DENND1A: variants seen among roughly 807,000 people sequenced by gnomAD.
The protein encoded by DENND1A is DENN domain-containing protein 1A.
DENND1A carries 51 observed loss-of-function variants against 113.7 expected under a neutral mutation model. The observed-to-expected ratio is 0.45, with a 90% confidence interval of 0.36 to 0.57. The LOEUF is 0.57. Among genes scored for constraint, DENND1A ranks in the 20% least tolerant of loss-of-function variants. DENND1A has a pLI of 0.00. For missense variants in DENND1A, 1,258 were observed against 1,395.9 expected, an observed-to-expected ratio of 0.90 and a Z score of 1.57; for synonymous variants, 565 against 570.8, an observed-to-expected ratio of 0.99 and a Z score of 0.14.
chr9:123,399,844 C>T (rs2043335957), intron 21 of DENND1A, among the ~76,000 whole-genome samples: 1 of 152,246 alleles, frequency 6.6e-6, no homozygotes, highest in African/African-American at 2.4e-5. Flanking sequence ...GAATGCTGGC[C>T]TGGCCACTTT....
rs1411001206 is a variant in DENND1A at position 123,422,149 on chromosome 9, C to G, written c.1489-10320G>C. Among the ~76,000 whole-genome samples, 2 of 152,226 alleles carry G rather than the reference C, an allele frequency of 1.3e-5. No individual in the cohort carries two copies. Among genetic ancestry groups the G allele is most frequent in the Non-Finnish European group, 2.9e-5 (2 of 68,036 alleles). ...TCACATCTGGCTCCTGGCACAAGGC[C>G]TGGCACGCGGTCAAGTTAAAGTAAA... On this transcript the variant is annotated intron_variant, in intron 19 of 23. Coordinates refer to ENST00000394215, the MANE Select transcript of DENND1A (RefSeq NM_001352964.2). This position sits in a 1 kb window ranked among gnomAD's most constrained non-coding sequence, Gnocchi z 4.8.
In DENND1A at chr9:123,386,631, G is replaced by A. The variant is rs190360503; in HGVS notation, c.1760+1099C>T. Among the ~76,000 whole-genome samples the A allele has an allele frequency of 2.8e-4, 42 of 152,292 alleles. No homozygotes were observed. The East Asian group carries it at 7.1e-3, about 26-fold the overall frequency. ...ACTCCTGGCTTCAAGTGATCCGCCC[G>A]CTTTGGCCTCCCAAAGTGCTGGGAT... On this transcript the variant is annotated intron_variant, in intron 22 of 23. Transcript: ENST00000394215.
chr9:123,576,871 T>C (rs2058666250), intron 12 of DENND1A, among the ~76,000 whole-genome samples: 1 of 152,230 alleles, frequency 6.6e-6, no homozygotes, highest in African/African-American at 2.4e-5. Flanking sequence ...ATAAGTCTGC[T>C]AGAATTACTT....
chr9:123,598,751 T>A (rs1046911139), intron 11 of DENND1A, among the ~76,000 whole-genome samples: 2 of 152,194 alleles, frequency 1.3e-5, no homozygotes, highest in Non-Finnish European at 2.9e-5. Context: ...TATGTACTTA[T>A]CAAGCTTCAT....
At chr9:123,542,241 G>A (rs1017090791) in intron 13 of DENND1A, among the ~76,000 whole-genome samples, 1 of 152,142 alleles carries the variant, frequency 6.6e-6, no homozygotes, top group East Asian at 1.9e-4. Flanking sequence ...CCAGACACAT[G>A]TCAAGGAAGC....
At chr9:123,385,208 A>G (rs1431646669) in intron 22 of DENND1A, among the ~76,000 whole-genome samples, 3 of 152,076 alleles carry the variant, frequency 2.0e-5, no homozygotes, top group Non-Finnish European at 4.4e-5. Context: ...CTTGTCTCCC[A>G]GGCTGGAGTG....
intron 13 of DENND1A, among the ~76,000 whole-genome samples, chr9:123,548,311 C>T (rs1464531254): frequency 6.6e-6 from 1 of 152,182 alleles, no homozygotes; most frequent in African/African-American, 2.4e-5. Flanking sequence ...TTACACTCCC[C>T]CATCAATGAA....
At chr9:123,894,472 T>A (rs1850403163) in intron 1 of DENND1A, among the ~76,000 whole-genome samples, 1 of 152,050 alleles carries the variant, frequency 6.6e-6, no homozygotes, top group African/African-American at 2.4e-5. Context: ...CTGTTTGAAA[T>A]CAATAGAAAT....
chr9:123,560,643 T>C (rs1320719779), intron 12 of DENND1A, among the ~76,000 whole-genome samples: 1 of 150,836 alleles, frequency 6.6e-6, no homozygotes, highest in East Asian at 1.9e-4. Context: ...TGAGCTATGA[T>C]TGCACCGTGG....
intron 5 of DENND1A, among the ~76,000 whole-genome samples, chr9:123,735,353 T>C (rs1041090875): frequency 6.6e-6 from 1 of 152,148 alleles, no homozygotes; most frequent in Admixed American, 6.5e-5. Flanking sequence ...TCTCTGAATG[T>C]CAAAGATGAC....
At chr9:123,574,892 C>T (rs1164649545) in intron 12 of DENND1A, among the ~76,000 whole-genome samples, 1 of 152,218 alleles carries the variant, frequency 6.6e-6, no homozygotes, top group Non-Finnish European at 1.5e-5. Context: ...ATTAACTAAA[C>T]TCCAGACTTT....
At chr9:123,471,272 C>T (rs2049397408) in intron 13 of DENND1A, among the ~76,000 whole-genome samples, 1 of 152,170 alleles carries the variant, frequency 6.6e-6, no homozygotes, top group African/African-American at 2.4e-5. Context: ...AGTCCCTAAC[C>T]CCTCAGAGAC....
At chr9:123,811,706 C>T (rs1836641131) in intron 2 of DENND1A, among the ~76,000 whole-genome samples, 1 of 152,134 alleles carries the variant, frequency 6.6e-6, no homozygotes, top group African/African-American at 2.4e-5. Context: ...TTGCAGTGAG[C>T]GGAGATCGCA....
intron 19 of DENND1A, among the ~76,000 whole-genome samples, chr9:123,433,194 T>C (rs1240498780): frequency 6.6e-6 from 1 of 152,180 alleles, no homozygotes; most frequent in African/African-American, 2.4e-5. Flanking sequence ...CCTCTAGAGA[T>C]GTGGAAACGG....
chr9:123,576,731 C>G lies in DENND1A; in HGVS notation c.867+6438G>C, dbSNP rs373500802. On this transcript the variant is annotated intron_variant, in intron 12 of 23. Coordinates refer to ENST00000394215, the MANE Select transcript of DENND1A (RefSeq NM_001352964.2). The stretch of plus-strand genomic sequence containing the variant: ...TCTTGAACTCCTGACCTCAGGTGAT[C>G]CACCTGCCTCAGTGCTTTCATTTTT... 9.2e-5 allele frequency among the ~76,000 whole-genome samples: 14 copies of G among 152,300 alleles called. No individual in the cohort carries two copies. In the East Asian group the frequency reaches 2.7e-3, roughly 29 times the overall value.
chr9:123,424,031 G>C (rs894133427), intron 19 of DENND1A, among the ~76,000 whole-genome samples: 5 of 152,324 alleles, frequency 3.3e-5, no homozygotes, highest in Middle Eastern at 6.8e-3. Flanking sequence ...GCTGGGGAGA[G>C]GGGGTGGAGT....
chr9:123,855,754 G>A (rs978779722), intron 2 of DENND1A, among the ~76,000 whole-genome samples: 1 of 152,148 alleles, frequency 6.6e-6, no homozygotes, highest in Admixed American at 6.5e-5. Flanking sequence ...AACCAATTAA[G>A]TGTCCAGGTG....
intron 13 of DENND1A, among the ~76,000 whole-genome samples, chr9:123,546,984 C>T (rs1436071810): frequency 1.3e-5 from 2 of 152,240 alleles, no homozygotes; most frequent in Non-Finnish European, 2.9e-5. Context: ...TTCCCATCTT[C>T]TCTCACTTAG....
In DENND1A at chr9:123,840,085, A is replaced by T. The variant is rs1291791537; in HGVS notation, c.88+38866T>A. ...CCCCATGTTTCAAGTGTTTTTGTCT[A>T]TTTTTTTTTTTTTTCAAGAATTCTG... On this transcript the variant is annotated intron_variant, in intron 2 of 23. Transcript: ENST00000394215. Among the ~76,000 whole-genome samples the T allele has an allele frequency of 1.7e-3, 235 of 137,462 alleles. 1 individual carries two copies. Among genetic ancestry groups the T allele is most frequent in the Non-Finnish European group, 3.0e-3 (186 of 62,440 alleles). The allele number at this position is 137,462 out of a possible 152,430, so 90.2% of individuals were successfully genotyped here.
Sources: gnomAD v4.1 joint callset for allele counts (sites outside exome capture counted in the v4.1 genomes callset) on GRCh38, gnomAD v4.1.1 for gene constraint, Gnocchi (gnomAD v3.1) non-coding constraint, MANE v1.5 for transcripts, NCBI Gene and HGNC (gene_info 2026-07-23, HGNC 2026-07-21) for gene names.